The following TRPC5 variants were observed in gnomAD, a reference collection of about 807,000 sequenced individuals.
The protein encoded by TRPC5 is short transient receptor potential channel 5.
In TRPC5, 9 loss-of-function variants were observed where a neutral mutation model predicts 56.5. The ratio of observed to expected loss-of-function variants is 0.16; its 90% CI spans 0.10 to 0.28. The LOEUF (loss-of-function observed/expected upper bound fraction) is 0.28, where lower values mean the gene tolerates loss of function less well. Ranked by LOEUF, TRPC5 falls within the 10% of genes least tolerant of loss-of-function variation. TRPC5 has a pLI of 1.00. For missense variants in TRPC5, 469 were observed against 748.9 expected, an observed-to-expected ratio of 0.63 and a Z score of 4.36; for synonymous variants, 282 against 278.5, an observed-to-expected ratio of 1.01 and a Z score of -0.13.
At chrX:111,926,392 A>C (rs1351968400) in intron 2 of TRPC5, among the ~76,000 whole-genome samples, 1 of 111,967 alleles carries the variant, frequency 8.9e-6, no homozygotes, top group East Asian at 2.8e-4. Context: ...TCTGACAATT[A>C]AAATTTTAAA....
chrX:111,816,035 A>C (rs986480059), intron 7 of TRPC5, among the ~76,000 whole-genome samples: 5 of 111,414 alleles, frequency 4.5e-5, no homozygotes, highest in Non-Finnish European at 7.5e-5. Context: ...AATACAACCC[A>C]AATATATGGC....
At chrX:111,958,575 C>T (rs1927295012) in intron 1 of TRPC5, among the ~76,000 whole-genome samples, 1 of 112,034 alleles carries the variant, frequency 8.9e-6, no homozygotes, top group African/African-American at 3.2e-5. Context: ...TGAGATTAAC[C>T]ACATCCCCAC....
intron 1 of TRPC5, among the ~76,000 whole-genome samples, chrX:111,979,458 G>A (rs971755700): frequency 2.7e-5 from 3 of 111,346 alleles, no homozygotes; most frequent in Non-Finnish European, 3.8e-5. Context: ...TATAATAGAT[G>A]AAAGGAAAGA....
intron 1 of TRPC5, among the ~76,000 whole-genome samples, chrX:112,061,397 A>G (rs1331368333): frequency 3.6e-5 from 4 of 111,810 alleles, no homozygotes; most frequent in Non-Finnish European, 3.8e-5. Flanking sequence ...GCCAAGCGTG[A>G]GTTGAAACTA....
At chrX:112,030,482 T>A (rs1929560383) in intron 1 of TRPC5, among the ~76,000 whole-genome samples, 1 of 112,158 alleles carries the variant, frequency 8.9e-6, no homozygotes, top group African/African-American at 3.2e-5. Flanking sequence ...AAACCATTAC[T>A]CTTCTTGCTC....
chrX:112,004,960 A>G (rs1005773856), intron 1 of TRPC5, among the ~76,000 whole-genome samples: 5 of 111,756 alleles, frequency 4.5e-5, no homozygotes, highest in African/African-American at 1.6e-4. Context: ...TACATTTCTC[A>G]TATAGTCTTG....
At chrX:111,805,804 C>T (rs959295197) in intron 7 of TRPC5, among the ~76,000 whole-genome samples, 12 of 110,744 alleles carry the variant, frequency 1.1e-4, no homozygotes, top group African/African-American at 3.3e-4. Context: ...TCCTGAGTAG[C>T]TGGGACTACA....
At chrX:111,803,229 T>G (rs1921379347) in intron 7 of TRPC5, among the ~76,000 whole-genome samples, 1 of 112,305 alleles carries the variant, frequency 8.9e-6, no homozygotes, top group South Asian at 3.7e-4. Flanking sequence ...TATTCCATGG[T>G]GTATATGTGC....
At chrX:111,835,253 C>T (rs953915312) in intron 6 of TRPC5, 137 bp from the exon 7 acceptor site, 2 of 513,710 alleles carry the variant, frequency 3.9e-6, no homozygotes, top group South Asian at 3.8e-5. Context: ...ATATTTTGGG[C>T]TCTTCCCTAA....
chrX:112,068,681 A>T (rs1027534469), intron 1 of TRPC5, among the ~76,000 whole-genome samples: 1 of 111,355 alleles, frequency 9.0e-6, no homozygotes, highest in South Asian at 3.8e-4. Context: ...GGAACACTCT[A>T]TTCTGAGTAC....
intron 7 of TRPC5, among the ~76,000 whole-genome samples, chrX:111,791,019 CAAAAAAAAAAAAAAAAAAA>C (rs753897017): frequency 8.6e-4 from 8 of 9,293 alleles, no homozygotes; most frequent in Non-Finnish European, 1.8e-3. Flanking sequence ...GACTCCATCT[CAAAAAAAAAAAAAAAAAAA>C]AAAAAAAAAA....
In TRPC5 at chrX:111,769,470, T is replaced by G. The variant is rs1398044121; in HGVS notation, c.*6843A>C. 5.4e-5 allele frequency among the ~76,000 whole-genome samples: 6 copies of G among 111,683 alleles called. No homozygotes were observed. Among genetic ancestry groups the G allele is most frequent in the Non-Finnish European group, 1.9e-5 (1 of 53,107 alleles). ...TGCTCCAAGCATAATTGAAACTAGATTCCAGGATACAAAGGAGAACAAGCA... is the reference window on the plus strand; with the variant it reads ...TGCTCCAAGCATAATTGAAACTAGAGTCCAGGATACAAAGGAGAACAAGCA... On this transcript the variant is annotated 3_prime_UTR_variant, in exon 11 of 11. Transcript: ENST00000262839.
chrX:111,782,841 A>ACACACACACACACACG (rs55909429), intron 7 of TRPC5, among the ~76,000 whole-genome samples: 10 of 108,873 alleles, frequency 9.2e-5, no homozygotes, highest in African/African-American at 3.0e-4. Flanking sequence ...ACACACACAC[A>ACACACACACACACACG]TCAGTGTACA....
intron 2 of TRPC5, among the ~76,000 whole-genome samples, chrX:111,942,764 C>T (rs145328062): frequency 2.6e-4 from 29 of 111,842 alleles, no homozygotes; most frequent in African/African-American, 9.1e-4. Context: ...ATTGTTTTCA[C>T]CTAGAAGTTT....
intron 7 of TRPC5, among the ~76,000 whole-genome samples, chrX:111,819,926 C>G (rs757293699): frequency 2.1e-4 from 24 of 111,980 alleles, no homozygotes; most frequent in South Asian, 3.7e-4. Flanking sequence ...ACTCGGGAAG[C>G]CTGTTTCCTC....
Position 111,776,533 on chromosome X carries a change from A to T in TRPC5, c.2702T>A (p.Leu901His). The change falls in exon 11 of 11, where the codon CTC becomes CAC. Residue 901 changes from leucine to histidine, a missense_variant. Around this residue, in one of 3 missense-constraint regions of TRPC5, gnomAD observed 194 missense variants for 221.8 expected, o/e 0.87. Coordinates refer to ENST00000262839, the MANE Select transcript of TRPC5 (RefSeq NM_012471.3). ...GACTTCACCTAATTCTACCTCACTG[A>T]GGTTAATTTCACTTTGAGAACAGGC... ...AEACSQSEIN[L>H]SEVELGEVQG... The T allele has an allele frequency of 8.3e-7, 1 of 1,211,544 alleles. No homozygotes were observed. Among genetic ancestry groups the T allele is most frequent in the South Asian group, 1.8e-5 (1 of 56,925 alleles).
chrX:111,799,788 A>G (rs1029438719), intron 7 of TRPC5, among the ~76,000 whole-genome samples: 1 of 111,648 alleles, frequency 9.0e-6, no homozygotes, highest in African/African-American at 3.3e-5. Flanking sequence ...AGGGTAACAA[A>G]TGAAGGGTTT....
chrX:111,794,101 T>C (rs2148556833), intron 7 of TRPC5, among the ~76,000 whole-genome samples: 1 of 112,100 alleles, frequency 8.9e-6, no homozygotes, highest in South Asian at 3.8e-4. Flanking sequence ...AGAAATGCTC[T>C]GGCATTAGAC....
chrX:111,973,927 G>A lies in TRPC5; in HGVS notation c.-21-21486C>T, dbSNP rs137919093. ...TAGCGGGAGTATATATACAATATAA[G>A]TTGGCAAATGCTATAAATCAGTGCT... On this transcript the variant is annotated intron_variant, in intron 1 of 10. Coordinates refer to ENST00000262839, the MANE Select transcript of TRPC5 (RefSeq NM_012471.3). Among the ~76,000 whole-genome samples, 892 of 111,375 alleles carry A rather than the reference G, an allele frequency of 8.0e-3. 9 individuals are homozygous for A. Among genetic ancestry groups the A allele is most frequent in the African/African-American group, 0.027 (832 of 30,653 alleles).
Sources: allele counts gnomAD v4.1 joint callset (sites outside exome capture counted in the v4.1 genomes callset), GRCh38; gene constraint gnomAD v4.1.1; regional missense constraint gnomAD v4.1.1; transcripts MANE v1.5; gene names NCBI Gene and HGNC (gene_info 2026-07-23, HGNC 2026-07-21).